The following GNAQ variants were observed in gnomAD, a reference collection of about 807,000 sequenced individuals.
GNAQ encodes guanine nucleotide-binding protein G(q) subunit alpha.
In GNAQ, 8 loss-of-function variants were observed where a neutral mutation model predicts 43.9. The ratio of observed to expected loss-of-function variants is 0.18; its 90% CI spans 0.11 to 0.33. The LOEUF (loss-of-function observed/expected upper bound fraction) is 0.33. Among genes scored for constraint, GNAQ ranks in the 10% least tolerant of loss-of-function variants. The pLI is 1.00. For synonymous variants in GNAQ, 155 were observed against 170.7 expected (o/e 0.91, Z 0.71); for missense variants, 158 against 450.8 (o/e 0.35, Z 5.88).
chr9:77,955,528 C>T (rs1332804039), intron 1 of GNAQ, among the ~76,000 whole-genome samples: 6 of 152,180 alleles, frequency 3.9e-5, no homozygotes, highest in Non-Finnish European at 5.9e-5. Flanking sequence ...TAACGCTATA[C>T]TTTGTGTCTA....
intron 1 of GNAQ, among the ~76,000 whole-genome samples, chr9:77,931,552 C>T (rs1461683382): frequency 6.6e-6 from 1 of 151,884 alleles, no homozygotes; most frequent in African/African-American, 2.4e-5. Flanking sequence ...GATCATGCCA[C>T]TGCACTCCAG....
chr9:77,853,305 G>C (rs1340775394), intron 2 of GNAQ, among the ~76,000 whole-genome samples: 1 of 152,060 alleles, frequency 6.6e-6, no homozygotes, highest in Non-Finnish European at 1.5e-5. Context: ...CTGAAAATAA[G>C]GATATAAGAG....
At chr9:77,766,991 A>G (rs1826146764) in intron 5 of GNAQ, among the ~76,000 whole-genome samples, 1 of 152,154 alleles carries the variant, frequency 6.6e-6, no homozygotes, top group South Asian at 2.1e-4. Flanking sequence ...TAATCTCTAT[A>G]AAACCTACAT....
intron 5 of GNAQ, among the ~76,000 whole-genome samples, chr9:77,753,086 C>CAA (rs547963667): frequency 0.041 from 2,183 of 52,644 alleles, 106 homozygotes; most frequent in South Asian, 0.17. Context: ...GACTCTGTCT[C>CAA]AAAAAAAAAA....
intron 2 of GNAQ, among the ~76,000 whole-genome samples, chr9:77,909,683 T>TA (rs71360667): frequency 0.064 from 8,399 of 131,824 alleles, 308 homozygotes; most frequent in African/African-American, 0.12. Flanking sequence ...CACAAGATAG[T>TA]AAAAAAAAAA....
chr9:77,855,965 G>A (rs1436450), intron 2 of GNAQ, among the ~76,000 whole-genome samples: 90,226 of 152,016 alleles, frequency 0.59, 28,048 homozygotes, highest in Middle Eastern at 0.71. Context: ...TTCTAGTCAA[G>A]AGAATAAGGA....
chr9:77,725,645 G>A (rs1825386786), intron 6 of GNAQ, among the ~76,000 whole-genome samples: 1 of 150,234 alleles, frequency 6.7e-6, no homozygotes, highest in Non-Finnish European at 1.5e-5. Context: ...GCACATGCTG[G>A]AAGGAAAATG....
chr9:78,005,403 A>T (rs184379176), intron 1 of GNAQ, among the ~76,000 whole-genome samples: 1 of 152,288 alleles, frequency 6.6e-6, no homozygotes, highest in East Asian at 1.9e-4. Context: ...AAATGTAGGA[A>T]GGGTGGGGAA....
intron 1 of GNAQ, among the ~76,000 whole-genome samples, chr9:78,028,869 G>A (rs1324927063): frequency 5.9e-5 from 9 of 151,906 alleles, no homozygotes; most frequent in South Asian, 2.1e-4. Flanking sequence ...CACATTTAGC[G>A]TATATTACTA....
chr9:77,903,052 A>G (rs2118163962), intron 2 of GNAQ, among the ~76,000 whole-genome samples: 1 of 152,248 alleles, frequency 6.6e-6, no homozygotes, highest in South Asian at 2.1e-4. Flanking sequence ...AGAGGTGAGC[A>G]AAGCCTGGAA....
intron 1 of GNAQ, among the ~76,000 whole-genome samples, chr9:77,983,559 T>C (rs1340609901): frequency 6.6e-6 from 1 of 152,226 alleles, no homozygotes; most frequent in Non-Finnish European, 1.5e-5. Context: ...TGTCTTTTAC[T>C]TCTTTCTTTC....
chr9:78,031,214 C>T lies in GNAQ; in HGVS notation c.22G>A (p.Ala8Thr), dbSNP rs1203392784. 4 of 1,546,472 alleles carry T rather than the reference C, an allele frequency of 2.6e-6. No individual in the cohort carries two copies. Among genetic ancestry groups the T allele is most frequent in the Non-Finnish European group, 3.5e-6 (4 of 1,145,632 alleles). Residue 8 changes from alanine (A) to threonine (T), a missense_variant, in exon 1 of 7, where the codon GCG becomes ACG. By Grantham distance (58) the Ala-to-Thr change is moderately conservative (BLOSUM62 0). Around this residue, in one of 9 missense-constraint regions of GNAQ, gnomAD observed 12 missense variants for 18.9 expected, o/e 0.64. Transcript: ENST00000286548. ...TTGGCCTCCTCGCTCAGGCAGCACG[C>T]CATGATGGACTCCAGAGTCATTCTT... is the stretch of plus-strand genomic sequence containing the variant. MTLESIMACCLSEEAKEA... is the reference protein window; with the variant it reads MTLESIMTCCLSEEAKEA...
intron 6 of GNAQ, among the ~76,000 whole-genome samples, chr9:77,727,546 T>C (rs1362184504): frequency 1.3e-5 from 2 of 152,208 alleles, no homozygotes; most frequent in Admixed American, 1.3e-4. Flanking sequence ...CTATAGATTC[T>C]AAGTGCTGCA....
Position 77,797,655 on chromosome 9 carries a change from G to A in GNAQ, c.477-7C>T, listed in dbSNP as rs2118457005. 8.7e-6 allele frequency: 14 copies of A among 1,612,626 alleles called. No individual in the cohort carries two copies. Among genetic ancestry groups the A allele is most frequent in the Non-Finnish European group, 1.2e-5 (14 of 1,179,184 alleles). On this transcript the variant is annotated splice_polypyrimidine_tract_variant and splice_region_variant and intron_variant, in intron 3 of 6. Transcript: ENST00000286548. ...GTCCAAGTCATTAAGATAGCTAGAG[G>A]AGGGAAGACACAATGAGAATGTCAG...
chr9:77,943,619 T>G (rs566165062), intron 1 of GNAQ, among the ~76,000 whole-genome samples: 1 of 149,786 alleles, frequency 6.7e-6, no homozygotes, highest in Non-Finnish European at 1.5e-5. Flanking sequence ...CTACACAAAT[T>G]GGAAAAAAAA....
chr9:77,860,412 CA>C (rs1360627407), intron 2 of GNAQ, among the ~76,000 whole-genome samples: 1 of 152,166 alleles, frequency 6.6e-6, no homozygotes, highest in Non-Finnish European at 1.5e-5. Context: ...TACCCCACCC[CA>C]GGGGGTATTC....
chr9:77,780,819 T>C (rs1234114056), intron 5 of GNAQ, among the ~76,000 whole-genome samples: 1 of 152,074 alleles, frequency 6.6e-6, no homozygotes, highest in Non-Finnish European at 1.5e-5. Context: ...TGGGGTGAGA[T>C]GATACTTTAT....
At chr9:77,894,338 T>TTATATATAATAGAAAATATATAA (rs1828454799) in intron 2 of GNAQ, among the ~76,000 whole-genome samples, 113 of 9,928 alleles carry the variant, frequency 0.011, 15 homozygotes, top group African/African-American at 0.024. Context: ...AAAATATATA[T>TTATATATAATAGAAAATATATAA]TATATATATT....
At chr9:77,804,214 C>A (rs1039409466) in intron 3 of GNAQ, among the ~76,000 whole-genome samples, 43 of 152,120 alleles carry the variant, frequency 2.8e-4, no homozygotes, top group African/African-American at 9.2e-4. Context: ...ACCCCTCCCC[C>A]CACCTATGAC....
Sources: gnomAD v4.1 joint callset for allele counts (sites outside exome capture counted in the v4.1 genomes callset) on GRCh38, gnomAD v4.1.1 for gene constraint, gnomAD v4.1.1 regional missense constraint, MANE v1.5 for transcripts, NCBI Gene and HGNC (gene_info 2026-07-23, HGNC 2026-07-21) for gene names.